MELK: variants seen among roughly 807,000 people sequenced by gnomAD.
MELK encodes pEg3 kinase.
MELK carries 81 observed loss-of-function variants against 85.0 expected under a neutral mutation model. That is an observed-to-expected ratio of 0.95 (90% CI 0.80 to 1.15). The LOEUF (loss-of-function observed/expected upper bound fraction) is 1.15. MELK is among the 50% of genes most tolerant of loss of function. The pLI is 0.00. For missense variants in MELK, 754 were observed against 777.5 expected (o/e 0.97, Z 0.36); for synonymous variants, 252 against 265.0 (o/e 0.95, Z 0.48).
chr9:36,629,702 T>C (rs1828325867), intron 8 of MELK, among the ~76,000 whole-genome samples: 1 of 152,214 alleles, frequency 6.6e-6, no homozygotes, highest in African/African-American at 2.4e-5. Context: ...GTCCATTTAA[T>C]ACTACAGATT....
At chr9:36,633,076 T>G in intron 9 of MELK, 26 bp from the exon 10 acceptor site, 1 of 1,493,780 alleles carries the variant, frequency 6.7e-7, no homozygotes, top group Non-Finnish European at 9.3e-7. Context: ...AATGTTAATC[T>G]CTAGCTACTT....
At chr9:36,591,204 A>C (rs1008591033) in intron 4 of MELK, among the ~76,000 whole-genome samples, 4 of 152,214 alleles carry the variant, frequency 2.6e-5, no homozygotes, top group African/African-American at 9.6e-5. Flanking sequence ...CCACATTTTA[A>C]AACCTCTTTG....
intron 10 of MELK, among the ~76,000 whole-genome samples, chr9:36,641,423 A>G (rs1464623704): frequency 2.0e-5 from 3 of 152,094 alleles, no homozygotes. Flanking sequence ...AGGTCTGTCT[A>G]ATTCCCAAGC....
chr9:36,581,438 AG>A (rs1240831703), intron 1 of MELK, among the ~76,000 whole-genome samples: 9 of 152,022 alleles, frequency 5.9e-5, no homozygotes, highest in Non-Finnish European at 1.5e-5. Flanking sequence ...AAAGTTTTAA[AG>A]GTTTATGTTT....
intron 17 of MELK, among the ~76,000 whole-genome samples, chr9:36,676,459 A>T (rs1474569498): frequency 6.6e-6 from 1 of 152,204 alleles, no homozygotes; most frequent in Non-Finnish European, 1.5e-5. Flanking sequence ...GCTTTGCAGG[A>T]TCATACGTAT....
chr9:36,642,884 G>A (rs1246000169), intron 10 of MELK, 113 bp from the exon 11 acceptor site: 1 of 720,852 alleles, frequency 1.4e-6, no homozygotes, highest in African/African-American at 1.8e-5. Context: ...ACAGATTCAT[G>A]TTTTACATAA....
At chr9:36,581,209 A>T (rs997549026) in intron 1 of MELK, among the ~76,000 whole-genome samples, 1 of 150,870 alleles carries the variant, frequency 6.6e-6, no homozygotes, top group Non-Finnish European at 1.5e-5. Flanking sequence ...TTTTATTTTT[A>T]TTTTTTTTAT....
Position 36,618,416 on chromosome 9 carries a change from A to G in MELK, c.666+10743A>G, listed in dbSNP as rs977065486. On this transcript the variant is annotated intron_variant, in intron 8 of 17. Transcript: ENST00000298048. ...AGACAGAGGCTCCTCAAAAAAAAAA[A>G]AAAAAGAAAAAGAAAATTGAATCAT... is the stretch of plus-strand genomic sequence containing the variant. Among the ~76,000 whole-genome samples, 9 of 152,188 alleles carry G rather than the reference A, an allele frequency of 5.9e-5. No individual in the cohort carries two copies. The East Asian group carries it at 1.4e-3, about 23-fold the overall frequency.
intron 8 of MELK, among the ~76,000 whole-genome samples, chr9:36,621,923 G>A (rs2136243079): frequency 6.6e-6 from 1 of 152,194 alleles, no homozygotes; most frequent in South Asian, 2.1e-4. Flanking sequence ...TTGAGGGAGA[G>A]AGCTTACCTT....
intron 10 of MELK, among the ~76,000 whole-genome samples, chr9:36,640,048 C>G (rs1225764142): frequency 2.6e-5 from 4 of 152,170 alleles, no homozygotes; most frequent in African/African-American, 9.7e-5. Flanking sequence ...AAAACTTATT[C>G]TTAGCACTTT....
intron 5 of MELK, among the ~76,000 whole-genome samples, chr9:36,595,260 C>T (rs967119265): frequency 1.3e-5 from 2 of 151,976 alleles, no homozygotes; most frequent in Non-Finnish European, 2.9e-5. Context: ...CTCAGCCTCC[C>T]GAGTGGCTGG....
At chr9:36,574,066 T>C (rs1821381966) in intron 1 of MELK, among the ~76,000 whole-genome samples, 1 of 152,130 alleles carries the variant, frequency 6.6e-6, no homozygotes, top group Non-Finnish European at 1.5e-5. Context: ...AAATTTTGGT[T>C]TCTGTTTCCC....
intron 8 of MELK, among the ~76,000 whole-genome samples, chr9:36,617,099 G>T (rs947071665): frequency 1.3e-5 from 2 of 152,048 alleles, no homozygotes; most frequent in African/African-American, 4.8e-5. Context: ...TAGAACAGTT[G>T]GTGGGTCAAA....
chr9:36,621,275 G>GAAAAAAAAAAAAAAAAACAA (rs1827385342), intron 8 of MELK, among the ~76,000 whole-genome samples: 1 of 32,420 alleles, frequency 3.1e-5, no homozygotes, highest in African/African-American at 6.4e-5. Flanking sequence ...CTGTCTCAGG[G>GAAAAAAAAAAAAAAAAACAA]AAAAAAAAAA....
At chr9:36,575,245 A>C (rs933521119) in intron 1 of MELK, among the ~76,000 whole-genome samples, 1 of 152,206 alleles carries the variant, frequency 6.6e-6, no homozygotes, top group Non-Finnish European at 1.5e-5. Flanking sequence ...TTCCTTCTTC[A>C]TTATTCACAG....
chr9:36,608,006 C>T (rs146420140), intron 8 of MELK, among the ~76,000 whole-genome samples: 471 of 152,090 alleles, frequency 3.1e-3, no homozygotes, highest in Non-Finnish European at 4.9e-3. Context: ...TCAGGCCGGG[C>T]GCGGTGGCTC....
intron 7 of MELK, among the ~76,000 whole-genome samples, chr9:36,600,527 G>A (rs895061564): frequency 5.3e-5 from 8 of 152,114 alleles, no homozygotes; most frequent in African/African-American, 1.4e-4. Flanking sequence ...GGGACTACAC[G>A]CGTCCGCCAC....
Position 36,615,045 on chromosome 9 carries a change from G to C in MELK, c.666+7372G>C, listed in dbSNP as rs531599840. On this transcript the variant is annotated intron_variant, in intron 8 of 17. Transcript: ENST00000298048. The stretch of plus-strand genomic sequence containing the variant: ...AGAGGCGCCCCTCACCTCCCGGACG[G>C]GGCAGCTGGCCGGGCGGGGGGGCTG... Among the ~76,000 whole-genome samples the C allele has an allele frequency of 3.0e-3, 437 of 146,256 alleles. 5 individuals are homozygous for C. The highest frequency in any genetic ancestry group is 0.011 in the Middle Eastern group (3 of 276).
At chr9:36,628,413 A>ACTTTGTT (rs1030686091) in intron 8 of MELK, among the ~76,000 whole-genome samples, 1 of 151,620 alleles carries the variant, frequency 6.6e-6, no homozygotes, top group Non-Finnish European at 1.5e-5. Flanking sequence ...TTTGTTGTTA[A>ACTTTGTT]CTTTGTTAAT....
Sources: gnomAD v4.1 joint callset for allele counts (sites outside exome capture counted in the v4.1 genomes callset) on GRCh38, gnomAD v4.1.1 for gene constraint, MANE v1.5 for transcripts, NCBI Gene and HGNC (gene_info 2026-07-23, HGNC 2026-07-21) for gene names.